The following SLC2A13 variants were observed in gnomAD, a reference collection of about 807,000 sequenced individuals.
The protein encoded by SLC2A13 is proton myo-inositol cotransporter.
A neutral mutation model predicts 64.4 loss-of-function variants in SLC2A13; 32 were observed. The ratio of observed to expected loss-of-function variants is 0.50; its 90% confidence interval spans 0.37 to 0.67. The LOEUF (loss-of-function observed/expected upper bound fraction) is 0.67. SLC2A13 is among the 30% of genes least tolerant of loss of function. SLC2A13 has a pLI of 0.00. For missense variants in SLC2A13, 743 were observed against 829.2 expected (o/e 0.90, Z 1.28); for synonymous variants, 338 against 327.1 (o/e 1.03, Z -0.36).
intron 4 of SLC2A13, among the ~76,000 whole-genome samples, chr12:39,911,017 T>C (rs1055497818): frequency 6.6e-6 from 1 of 151,948 alleles, no homozygotes; most frequent in Non-Finnish European, 1.5e-5. Flanking sequence ...CTGGGAGGTG[T>C]AGGTTGCAGT....
intron 1 of SLC2A13, among the ~76,000 whole-genome samples, chr12:40,076,499 T>A (rs967200156): frequency 1.3e-5 from 2 of 152,134 alleles, no homozygotes; most frequent in Admixed American, 6.6e-5. Flanking sequence ...TGATTTTTTT[T>A]ATAGTGTGTA....
chr12:39,961,250 T>C (rs967641926), intron 3 of SLC2A13, among the ~76,000 whole-genome samples: 1 of 151,724 alleles, frequency 6.6e-6, no homozygotes, highest in Non-Finnish European at 1.5e-5. Flanking sequence ...GCTTATTTTT[T>C]ATAATTTTGG....
At chr12:39,839,235 G>A (rs1435448934) in intron 6 of SLC2A13, among the ~76,000 whole-genome samples, 3 of 151,866 alleles carry the variant, frequency 2.0e-5, no homozygotes, top group Non-Finnish European at 4.4e-5. Context: ...TTGGAGCCTC[G>A]TGAAGGACAG....
intron 3 of SLC2A13, among the ~76,000 whole-genome samples, chr12:40,023,003 C>T (rs1012146019): frequency 6.6e-6 from 1 of 152,152 alleles, no homozygotes; most frequent in Admixed American, 6.5e-5. Context: ...TCTTTACTGC[C>T]CTAAGGCATG....
At chr12:39,856,193 T>C (rs746205844) in intron 6 of SLC2A13, among the ~76,000 whole-genome samples, 18 of 152,004 alleles carry the variant, frequency 1.2e-4, no homozygotes, top group Admixed American at 2.6e-4. Flanking sequence ...GTCAGCACCA[T>C]CTACCTTCTC....
intron 2 of SLC2A13, among the ~76,000 whole-genome samples, chr12:40,046,491 C>T (rs952398318): frequency 6.6e-6 from 1 of 152,070 alleles, no homozygotes; most frequent in African/African-American, 2.4e-5. Flanking sequence ...AAATTTTTAA[C>T]AAAATATAAA....
At chr12:39,993,783 C>A (rs1021724689) in intron 3 of SLC2A13, among the ~76,000 whole-genome samples, 2 of 152,150 alleles carry the variant, frequency 1.3e-5, no homozygotes, top group African/African-American at 4.8e-5. Flanking sequence ...TTGCATTCAT[C>A]TGTAGAAAAG....
intron 4 of SLC2A13, among the ~76,000 whole-genome samples, chr12:39,942,167 G>C (rs1440891352): frequency 6.6e-6 from 1 of 152,086 alleles, no homozygotes; most frequent in East Asian, 1.9e-4. Context: ...TGTTCTTTTT[G>C]CTTAGTCTTG....
chr12:39,886,045 T>C (rs756806809), intron 4 of SLC2A13, among the ~76,000 whole-genome samples: 1 of 152,208 alleles, frequency 6.6e-6, no homozygotes, highest in Non-Finnish European at 1.5e-5. Context: ...TGCTTCTTCA[T>C]GTGTTTAAGC....
At chr12:39,885,273 C>T (rs1944440618) in intron 4 of SLC2A13, among the ~76,000 whole-genome samples, 1 of 152,172 alleles carries the variant, frequency 6.6e-6, no homozygotes. Context: ...ATTCCCTACT[C>T]TCTCAAATGA....
chr12:39,873,814 A>T (rs1208602853), intron 4 of SLC2A13, among the ~76,000 whole-genome samples: 1 of 152,198 alleles, frequency 6.6e-6, no homozygotes, highest in Non-Finnish European at 1.5e-5. Flanking sequence ...TATTTTAGGT[A>T]CTTAAGTTAT....
At chr12:40,016,660 ATTATAATCTATTGTCTAGAG>A (rs1349776181) in intron 3 of SLC2A13, among the ~76,000 whole-genome samples, 2 of 152,214 alleles carry the variant, frequency 1.3e-5, no homozygotes, top group Non-Finnish European at 2.9e-5. Context: ...CCTAGTCTGA[ATTATAATCTATTGTCTAGAG>A]TTATAAATAA....
At chr12:40,023,255 G>C (rs1057459343) in intron 3 of SLC2A13, among the ~76,000 whole-genome samples, 8 of 152,102 alleles carry the variant, frequency 5.3e-5, no homozygotes, top group Non-Finnish European at 1.0e-4. Flanking sequence ...CCTGCCTTAA[G>C]CATCCAATGA....
chr12:40,078,482 A>G (rs1188937979), intron 1 of SLC2A13, among the ~76,000 whole-genome samples: 1 of 152,110 alleles, frequency 6.6e-6, no homozygotes, highest in Non-Finnish European at 1.5e-5. Context: ...TCCCAGGAAT[A>G]AGGCCTATTT....
chr12:39,877,325 A>G (rs1944212288), intron 4 of SLC2A13, among the ~76,000 whole-genome samples: 2 of 152,220 alleles, frequency 1.3e-5, no homozygotes, highest in Admixed American at 1.3e-4. Context: ...AAGAATATGC[A>G]GGGGAACTAC....
intron 4 of SLC2A13, among the ~76,000 whole-genome samples, chr12:39,948,478 C>T (rs1474162420): frequency 6.6e-6 from 1 of 152,030 alleles, no homozygotes; most frequent in Non-Finnish European, 1.5e-5. Context: ...ATAAAGGATT[C>T]TTTGAGGGAG....
At chr12:39,956,051 G>A (rs1395342850) in intron 3 of SLC2A13, among the ~76,000 whole-genome samples, 1 of 152,176 alleles carries the variant, frequency 6.6e-6, no homozygotes, top group Admixed American at 6.5e-5. Context: ...AGGAGTAAAT[G>A]AGGTGAACTC....
intron 4 of SLC2A13, among the ~76,000 whole-genome samples, chr12:39,935,069 T>C (rs1195519581): frequency 6.6e-6 from 1 of 152,298 alleles, no homozygotes; most frequent in African/African-American, 2.4e-5. Flanking sequence ...AAGAATACTT[T>C]ATGGAAATCT....
chr12:40,046,139 T>C (rs1302918568), intron 2 of SLC2A13, among the ~76,000 whole-genome samples: 1 of 152,210 alleles, frequency 6.6e-6, no homozygotes, highest in African/African-American at 2.4e-5. Context: ...ACAATAATCT[T>C]ATAAGTATTT....
Sources: gnomAD v4.1 joint callset for allele counts (sites outside exome capture counted in the v4.1 genomes callset) on GRCh38, gnomAD v4.1.1 for gene constraint, MANE v1.5 for transcripts, NCBI Gene and HGNC (gene_info 2026-07-23, HGNC 2026-07-21) for gene names.